Variants in CDYL2 observed in about 807,000 individuals in gnomAD.
CDYL2 encodes chromodomain Y like 2.
A neutral mutation model predicts 49.4 loss-of-function variants in CDYL2; 23 were observed. That is an observed-to-expected ratio of 0.47 (90% CI 0.34 to 0.66). The LOEUF (loss-of-function observed/expected upper bound fraction) is 0.66, where lower values mean the gene tolerates loss of function less well. CDYL2 is among the 30% of genes least tolerant of loss of function. CDYL2 has a pLI of 0.01. For missense variants in CDYL2, 678 were observed against 656.4 expected (o/e 1.03, Z -0.36); for synonymous variants, 360 against 268.8 (o/e 1.34, Z -3.32).
chr16:80,718,713 C>CA (rs1385475491), intron 1 of CDYL2, among the ~76,000 whole-genome samples: 1 of 152,168 alleles, frequency 6.6e-6, no homozygotes, highest in African/African-American at 2.4e-5. Context: ...GGTGGTGTCC[C>CA]AACAGACACG....
At position 80,789,635 on chromosome 16, in the gene CDYL2, T is replaced by C. The variant is rs548454368; in HGVS notation, c.24+14515A>G. Among the ~76,000 whole-genome samples the C allele has an allele frequency of 8.6e-5, 13 of 151,852 alleles. No homozygotes were observed. In the South Asian group the frequency reaches 1.7e-3, roughly 19 times the overall value. On this transcript the variant is annotated intron_variant, in intron 1 of 6. Transcript: ENST00000570137. ...ACACCTGCACTTCTATGTTCATCAC[T>C]GCACTATTACAAGAGCAAAGTCATG...
At chr16:80,752,390 T>C (rs1046613221) in intron 1 of CDYL2, among the ~76,000 whole-genome samples, 3 of 152,038 alleles carry the variant, frequency 2.0e-5, no homozygotes, top group Non-Finnish European at 4.4e-5. Context: ...TTACCAAGAA[T>C]TTCCTTAAAA....
intron 5 of CDYL2, among the ~76,000 whole-genome samples, chr16:80,610,027 G>C (rs1906524015): frequency 6.6e-6 from 1 of 152,166 alleles, no homozygotes; most frequent in African/African-American, 2.4e-5. Context: ...TTAACTGAGA[G>C]GTGCTTAGAA....
intron 1 of CDYL2, among the ~76,000 whole-genome samples, chr16:80,794,294 T>C (rs1176269040): frequency 6.6e-6 from 1 of 152,188 alleles, no homozygotes; most frequent in East Asian, 1.9e-4. Flanking sequence ...CCTCAAGTGG[T>C]ATTTGACTGG....
chr16:80,771,348 C>G (rs971100400), intron 1 of CDYL2, among the ~76,000 whole-genome samples: 4 of 152,148 alleles, frequency 2.6e-5, no homozygotes, highest in African/African-American at 9.7e-5. Flanking sequence ...CAAACACACA[C>G]CTTAAAATAA....
intron 1 of CDYL2, among the ~76,000 whole-genome samples, chr16:80,764,648 C>T (rs1005856015): frequency 5.3e-5 from 8 of 152,094 alleles, no homozygotes; most frequent in Admixed American, 3.9e-4. Context: ...GAGATACTAG[C>T]ATCAATGGTA....
intron 1 of CDYL2, among the ~76,000 whole-genome samples, chr16:80,706,346 G>A (rs139243581): frequency 1.3e-5 from 2 of 152,222 alleles, no homozygotes; most frequent in African/African-American, 4.8e-5. Context: ...GGACCCATCC[G>A]CTCAATGCTG....
At chr16:80,803,121 G>A (rs966236694) in intron 1 of CDYL2, among the ~76,000 whole-genome samples, 1 of 152,190 alleles carries the variant, frequency 6.6e-6, no homozygotes, top group African/African-American at 2.4e-5. Context: ...TCCCTCTGGG[G>A]AGTGGTGGCT....
At chr16:80,647,792 T>C (rs530037474) in intron 2 of CDYL2, among the ~76,000 whole-genome samples, 44 of 152,252 alleles carry the variant, frequency 2.9e-4, no homozygotes, top group African/African-American at 1.0e-3. Context: ...ACAAAACAAG[T>C]CTTAAAACAT....
intron 1 of CDYL2, among the ~76,000 whole-genome samples, chr16:80,730,418 T>G (rs1905287334): frequency 6.6e-6 from 1 of 152,048 alleles, no homozygotes; most frequent in African/African-American, 2.4e-5. Flanking sequence ...GTTGAATCTC[T>G]GAATAGACCA....
At chr16:80,707,913 G>GT (rs1198963557) in intron 1 of CDYL2, among the ~76,000 whole-genome samples, 2 of 152,082 alleles carry the variant, frequency 1.3e-5, no homozygotes, top group Non-Finnish European at 1.5e-5. Flanking sequence ...TAAACCACAA[G>GT]TTTTTTTCTC....
chr16:80,673,340 T>A (rs549864961), intron 2 of CDYL2, among the ~76,000 whole-genome samples: 1 of 152,088 alleles, frequency 6.6e-6, no homozygotes, highest in East Asian at 1.9e-4. Context: ...AAATAAATAA[T>A]TTTAAAAAAA....
chr16:80,775,236 T>C (rs932252925), intron 1 of CDYL2, among the ~76,000 whole-genome samples: 2 of 151,736 alleles, frequency 1.3e-5, no homozygotes, highest in Non-Finnish European at 2.9e-5. Flanking sequence ...AGTGAAGATA[T>C]AAGTAAATTT....
intron 1 of CDYL2, among the ~76,000 whole-genome samples, chr16:80,780,270 A>C (rs1384760603): frequency 2.6e-5 from 4 of 152,174 alleles, no homozygotes; most frequent in Non-Finnish European, 4.4e-5. Context: ...TGTATACAAT[A>C]ATGTGAAGTG....
intron 1 of CDYL2, among the ~76,000 whole-genome samples, chr16:80,776,951 G>A (rs1907104900): frequency 6.6e-6 from 1 of 151,722 alleles, no homozygotes; most frequent in South Asian, 2.1e-4. Context: ...CCGAATAGCT[G>A]GGACTACAGG....
intron 1 of CDYL2, among the ~76,000 whole-genome samples, chr16:80,712,208 T>TATATATAC (rs1904640461): frequency 7.8e-6 from 1 of 128,228 alleles, no homozygotes. Context: ...TATATATATA[T>TATATATAC]ATATATATCT....
rs1030902284 is a variant in CDYL2 at position 80,643,856 on chromosome 16, T to C, written c.617-10620A>G. Among the ~76,000 whole-genome samples the C allele has an allele frequency of 2.6e-5, 4 of 151,954 alleles. No individual in the cohort carries two copies. The East Asian group carries it at 7.8e-4, about 30-fold the overall frequency. On this transcript the variant is annotated intron_variant, in intron 2 of 6. Transcript: ENST00000570137. ...GGCCTCCAGGCCTGTGATGGGAGGGTCTGCTGTGAAGACCTCTGGCAAACC... is the reference window on the plus strand; with the variant it reads ...GGCCTCCAGGCCTGTGATGGGAGGGCCTGCTGTGAAGACCTCTGGCAAACC...
intron 1 of CDYL2, among the ~76,000 whole-genome samples, chr16:80,711,602 G>A (rs1230984752): frequency 6.6e-6 from 1 of 152,146 alleles, no homozygotes; most frequent in African/African-American, 2.4e-5. Flanking sequence ...GCTACATGCT[G>A]TGTGACCCAC....
Position 80,620,943 on chromosome 16 carries a change from C to T in CDYL2, c.835-8G>A, listed in dbSNP as rs1907058382. 1.9e-6 allele frequency: 3 copies of T among 1,586,116 alleles called. No homozygotes were observed. The highest frequency in any genetic ancestry group is 1.3e-5 in the African/African-American group (1 of 74,272). The stretch of plus-strand genomic sequence containing the variant: ...CCGGACTTCTTTCATGATCTGCCGG[C>T]AGAGATGAATTTGCAGGGATGTTAA... On this transcript the variant is annotated splice_polypyrimidine_tract_variant and splice_region_variant and intron_variant, in intron 3 of 6. Coordinates refer to ENST00000570137, the MANE Select transcript of CDYL2 (RefSeq NM_152342.4).
Sources: gnomAD v4.1 joint callset for allele counts (sites outside exome capture counted in the v4.1 genomes callset) on GRCh38, gnomAD v4.1.1 for gene constraint, MANE v1.5 for transcripts, NCBI Gene and HGNC (gene_info 2026-07-23, HGNC 2026-07-21) for gene names.